The following CALN1 variants were observed in gnomAD, a reference collection of about 807,000 sequenced individuals.
CALN1 encodes the protein calneuron 1, also known as calcium-binding protein 8.
Under a neutral mutation model 30.6 loss-of-function variants are expected in CALN1, and 17 were observed. The ratio of observed to expected loss-of-function variants is 0.56; its 90% CI spans 0.38 to 0.83. The LOEUF (loss-of-function observed/expected upper bound fraction) is 0.83, where lower values mean the gene tolerates loss of function less well. Among genes scored for constraint, CALN1 ranks in the 40% least tolerant of loss-of-function variants. The pLI, the probability that CALN1 is intolerant of heterozygous loss-of-function variation, is 0.00. For synonymous variants in CALN1, 156 were observed against 131.4 expected (o/e 1.19, Z -1.28); for missense variants, 291 against 354.9 (o/e 0.82, Z 1.45).
chr7:72,017,170 T>TAA (rs58672373), intron 5 of CALN1, among the ~76,000 whole-genome samples: 80 of 88,094 alleles, frequency 9.1e-4, no homozygotes, highest in African/African-American at 1.7e-3. Flanking sequence ...TCTCAAAAAT[T>TAA]AAAAAAAAAA....
intron 2 of CALN1, among the ~76,000 whole-genome samples, chr7:72,357,839 T>A (rs1803327087): frequency 6.8e-6 from 1 of 146,690 alleles, no homozygotes; most frequent in South Asian, 2.1e-4. Flanking sequence ...TTTATATATT[T>A]ATATATATTT....
At chr7:72,050,445 A>T (rs1802764311) in intron 4 of CALN1, among the ~76,000 whole-genome samples, 1 of 152,100 alleles carries the variant, frequency 6.6e-6, no homozygotes. Context: ...GATCGCAAAA[A>T]ATCAACTAAT....
At chr7:72,200,743 A>T (rs1277574598) in intron 3 of CALN1, among the ~76,000 whole-genome samples, 1 of 152,202 alleles carries the variant, frequency 6.6e-6, no homozygotes, top group Non-Finnish European at 1.5e-5. Context: ...CTGTTTTTCA[A>T]GTGCTCTGTT....
intron 2 of CALN1, among the ~76,000 whole-genome samples, chr7:72,294,854 T>G (rs891684080): frequency 1.3e-5 from 2 of 151,722 alleles, no homozygotes; most frequent in East Asian, 3.8e-4. Context: ...GGACAAAAAA[T>G]AAAAACAAAA....
At chr7:71,973,852 G>C (rs564632174) in intron 5 of CALN1, among the ~76,000 whole-genome samples, 57 of 152,204 alleles carry the variant, frequency 3.7e-4, no homozygotes, top group African/African-American at 1.3e-3. Context: ...TTTTAATTGA[G>C]GGTATAAAAG....
the CALN1 span, among the ~76,000 whole-genome samples, chr7:72,461,881 G>A: frequency 3.3e-5 from 5 of 152,228 alleles, no homozygotes; most frequent in African/African-American, 1.2e-4. Flanking sequence ...GGTTGCGCAC[G>A]CCTGTAATCC....
intron 3 of CALN1, among the ~76,000 whole-genome samples, chr7:72,146,391 C>T (rs1184935111): frequency 1.3e-5 from 2 of 152,070 alleles, no homozygotes; most frequent in Non-Finnish European, 2.9e-5. Context: ...GAATAAAATA[C>T]CTAGGAATCC....
intron 5 of CALN1, among the ~76,000 whole-genome samples, chr7:71,966,541 CTCCTGG>C (rs1472317256): frequency 6.6e-6 from 1 of 152,200 alleles, no homozygotes. Flanking sequence ...CTGTCTCCTG[CTCCTGG>C]TCCTGCCATG....
chr7:72,495,145 C>A, the CALN1 span, among the ~76,000 whole-genome samples: 2,751 of 152,268 alleles, frequency 0.018, 43 homozygotes, highest in Non-Finnish European at 0.028. Context: ...CTGACCATTG[C>A]GTGATGATTC....
At chr7:72,113,053 G>A (rs1231486679) in intron 3 of CALN1, among the ~76,000 whole-genome samples, 11 of 152,134 alleles carry the variant, frequency 7.2e-5, no homozygotes, top group Admixed American at 7.2e-4. Context: ...AACACTGAGA[G>A]ATGAGAGTGG....
In CALN1 at chr7:71,806,439, T is replaced by C. The variant is rs545117072; in HGVS notation, c.658+3897A>G. On this transcript the variant is annotated intron_variant, in intron 6 of 6. Transcript: ENST00000395275. ...CTCCTGTCTCAGCCTCCCGAGTAGC[T>C]GGGATTCCACGCACATGCCACCACA... Among the ~76,000 whole-genome samples, 10 of 152,110 alleles carry C rather than the reference T, an allele frequency of 6.6e-5. No homozygotes were observed. The South Asian group carries it at 2.1e-3, about 32-fold the overall frequency.
At chr7:71,846,925 TTATA>T (rs1232038926) in intron 5 of CALN1, among the ~76,000 whole-genome samples, 3 of 139,686 alleles carry the variant, frequency 2.1e-5, no homozygotes, top group Non-Finnish European at 3.2e-5. Flanking sequence ...TATATGTATA[TTATA>T]TATACATATA....
chr7:72,390,193 G>A (rs1320164235), intron 2 of CALN1, among the ~76,000 whole-genome samples: 2 of 152,046 alleles, frequency 1.3e-5, no homozygotes, highest in Non-Finnish European at 2.9e-5. Flanking sequence ...CACTTTGGGA[G>A]GCCGAGGCGG....
intron 5 of CALN1, among the ~76,000 whole-genome samples, chr7:71,955,783 G>A (rs973365370): frequency 6.6e-6 from 1 of 151,962 alleles, no homozygotes; most frequent in African/African-American, 2.4e-5. Flanking sequence ...ACCTGACTAT[G>A]ATGCACTTAT....
At chr7:72,232,208 G>T (rs889576821) in intron 3 of CALN1, among the ~76,000 whole-genome samples, 3 of 152,154 alleles carry the variant, frequency 2.0e-5, no homozygotes, top group African/African-American at 7.2e-5. Context: ...AAGGGGTTTA[G>T]ATTTGGGCCA....
chr7:72,262,060 T>C (rs1418909480), intron 3 of CALN1, among the ~76,000 whole-genome samples: 1 of 152,186 alleles, frequency 6.6e-6, no homozygotes, highest in African/African-American at 2.4e-5. Flanking sequence ...CAGAGAAATA[T>C]TTCCAGTGTG....
chr7:72,454,353 A>T, the CALN1 span, among the ~76,000 whole-genome samples: 3 of 152,200 alleles, frequency 2.0e-5, no homozygotes, highest in Non-Finnish European at 4.4e-5. Flanking sequence ...AGCAGGCTTG[A>T]TCAGGCACCC....
intron 5 of CALN1, among the ~76,000 whole-genome samples, chr7:71,852,470 C>CT (rs1790704702): frequency 1.2e-5 from 1 of 81,508 alleles, no homozygotes; most frequent in African/African-American, 8.1e-5. Context: ...GACCCTGTCT[C>CT]TAAAAAAAAA....
chr7:71,794,548 C>T (rs770216805), intron 6 of CALN1, among the ~76,000 whole-genome samples: 19 of 152,312 alleles, frequency 1.2e-4, no homozygotes, highest in Non-Finnish European at 2.2e-4. Context: ...GTCAGTTTCT[C>T]TCTCTGTAAA....
Sources: allele counts gnomAD v4.1 joint callset (sites outside exome capture counted in the v4.1 genomes callset), GRCh38; gene constraint gnomAD v4.1.1; transcripts MANE v1.5; gene names NCBI Gene and HGNC (gene_info 2026-07-23, HGNC 2026-07-21).